The following RYR2 variants were observed in gnomAD, a reference collection of about 807,000 sequenced individuals.
The protein encoded by RYR2 is ryanodine receptor 2.
A neutral mutation model predicts 601.1 loss-of-function variants in RYR2; 227 were observed. The ratio of observed to expected loss-of-function variants is 0.38; its 90% CI spans 0.34 to 0.42. The LOEUF (loss-of-function observed/expected upper bound fraction) is 0.42, where lower values mean the gene tolerates loss of function less well. Ranked by LOEUF, RYR2 falls within the 10% of genes least tolerant of loss-of-function variation. The probability of loss-of-function intolerance (pLI) is 1.00; values close to 1 mark genes in which losing one functional copy is unlikely to be tolerated. For synonymous variants in RYR2, 2,223 were observed against 2,175.1 expected, an observed-to-expected ratio of 1.02 and a Z score of -0.61; for missense variants, 4,646 against 6,156.5, an observed-to-expected ratio of 0.75 and a Z score of 8.21.
At chr1:237,498,574 GA>G (rs552372056) in intron 20 of RYR2, among the ~76,000 whole-genome samples, 1,592 of 141,434 alleles carry the variant, frequency 0.011, 24 homozygotes, top group African/African-American at 0.034. Context: ...GAGATTAGAT[GA>G]AAAAAAAAAA....
In RYR2 at chr1:237,445,475, A is replaced by C; in HGVS notation, c.1245A>C (p.Thr415=). The C allele has an allele frequency of 1.9e-6, 3 of 1,613,790 alleles. No homozygotes were observed. The highest frequency in any genetic ancestry group is 2.5e-6 in the Non-Finnish European group (3 of 1,179,726). ...GATCCCAGCATGAAGAATCACGCAC[A>C]GCCCGAGTTATCCGGAGCACAGTCT... ...LSRSQHEESR[T]ARVIRSTVFL... is the part of the protein sequence containing the mutation. The change falls in exon 14 of 105, where the codon ACA becomes ACC. Residue 415 remains threonine (T), a synonymous_variant. Transcript: ENST00000366574.
At chr1:237,481,924 C>T (rs1662155784) in intron 17 of RYR2, among the ~76,000 whole-genome samples, 1 of 151,118 alleles carries the variant, frequency 6.6e-6, no homozygotes, top group Non-Finnish European at 1.5e-5. Flanking sequence ...ACTTCATTTG[C>T]ATGTTTTTCT....
intron 96 of RYR2, 52 bp downstream of exon 96, chr1:237,795,383 T>G (rs1274955855): frequency 3.4e-6 from 3 of 878,680 alleles, no homozygotes; most frequent in Non-Finnish European, 5.4e-6. Context: ...GTTTAGATTT[T>G]TATTTGATGT....
At chr1:237,428,407 C>T (rs1353534938) in intron 12 of RYR2, among the ~76,000 whole-genome samples, 1 of 152,146 alleles carries the variant, frequency 6.6e-6, no homozygotes, top group African/African-American at 2.4e-5. Flanking sequence ...CCATGGAACA[C>T]TATGCAGCCA....
intron 1 of RYR2, among the ~76,000 whole-genome samples, chr1:237,087,224 G>A (rs1049677416): frequency 6.6e-6 from 1 of 152,192 alleles, no homozygotes. Context: ...ATCTGGGCCA[G>A]GAGAATAGCA....
At chr1:237,044,957 T>TTC (rs35819091) in intron 1 of RYR2, among the ~76,000 whole-genome samples, 3,131 of 30,150 alleles carry the variant, frequency 0.1, 41 homozygotes, top group Non-Finnish European at 0.13. Flanking sequence ...CTTCTTCTTC[T>TTC]TTTTTTTTTT....
At chr1:237,271,239 G>A (rs534692151) in intron 2 of RYR2, among the ~76,000 whole-genome samples, 1 of 152,180 alleles carries the variant, frequency 6.6e-6, no homozygotes, top group South Asian at 2.1e-4. Flanking sequence ...TTTGAAATGA[G>A]CCCAGCAATA....
At chr1:237,259,370 T>C (rs1376686576) in intron 1 of RYR2, among the ~76,000 whole-genome samples, 1 of 151,956 alleles carries the variant, frequency 6.6e-6, no homozygotes, top group Non-Finnish European at 1.5e-5. Context: ...TAGCCAGGCA[T>C]GGTGCTGTGC....
At chr1:237,082,744 G>A (rs1665878320) in intron 1 of RYR2, among the ~76,000 whole-genome samples, 1 of 151,674 alleles carries the variant, frequency 6.6e-6, no homozygotes, top group African/African-American at 2.4e-5. Flanking sequence ...ATTGGACCCT[G>A]CTAGTGTTAA....
chr1:237,274,335 T>C (rs979049046), intron 2 of RYR2, among the ~76,000 whole-genome samples: 1 of 151,418 alleles, frequency 6.6e-6, no homozygotes, highest in African/African-American at 2.4e-5. Flanking sequence ...TAGTGATGTC[T>C]GGATGATTTC....
At chr1:237,477,640 T>C (rs887798146) in intron 17 of RYR2, among the ~76,000 whole-genome samples, 2 of 152,182 alleles carry the variant, frequency 1.3e-5, no homozygotes, top group Admixed American at 1.3e-4. Context: ...AGTAATTGCA[T>C]TGTGTCACTT....
intron 1 of RYR2, among the ~76,000 whole-genome samples, chr1:237,119,880 AC>A (rs1670585797): frequency 6.6e-6 from 1 of 152,210 alleles, no homozygotes; most frequent in Non-Finnish European, 1.5e-5. Context: ...GTCTTTAGTT[AC>A]AACATTCATG....
chr1:237,308,675 T>G (rs1381874292), intron 2 of RYR2, among the ~76,000 whole-genome samples: 1 of 152,186 alleles, frequency 6.6e-6, no homozygotes, highest in African/African-American at 2.4e-5. Context: ...CTGAGGACCT[T>G]AGCGGTGAGT....
chr1:237,398,829 A>G (rs1703084920), intron 10 of RYR2, among the ~76,000 whole-genome samples: 1 of 152,230 alleles, frequency 6.6e-6, no homozygotes, highest in Non-Finnish European at 1.5e-5. Flanking sequence ...TAATCGAAAC[A>G]TGGAATCAGC....
intron 17 of RYR2, 21 bp downstream of exon 17, chr1:237,469,208 CTTG>C: frequency 3.9e-6 from 5 of 1,282,948 alleles, no homozygotes; most frequent in Non-Finnish European, 5.1e-6. Context: ...TAGTTTTTTC[CTTG>C]TTGTGATAGA....
chr1:237,179,747 G>C (rs528916757), intron 1 of RYR2, among the ~76,000 whole-genome samples: 85 of 152,212 alleles, frequency 5.6e-4, no homozygotes, highest in African/African-American at 2.0e-3. Context: ...GGAATGTCTG[G>C]AAGAGCTGAG....
At chr1:237,272,446 T>A (rs12240165) in intron 2 of RYR2, among the ~76,000 whole-genome samples, 8,010 of 151,932 alleles carry the variant, frequency 0.053, 742 homozygotes, top group African/African-American at 0.19. Flanking sequence ...GGCTACACTC[T>A]CTCTTCTCCC....
chr1:237,064,971 A>G (rs1012607006), intron 1 of RYR2, among the ~76,000 whole-genome samples: 3 of 151,874 alleles, frequency 2.0e-5, no homozygotes, highest in African/African-American at 7.3e-5. Flanking sequence ...GAAGTCCCCC[A>G]TGAGAAACTA....
chr1:237,519,289 T>C (rs1177344303), intron 24 of RYR2, among the ~76,000 whole-genome samples: 1 of 152,154 alleles, frequency 6.6e-6, no homozygotes, highest in Non-Finnish European at 1.5e-5. Context: ...TTTAAATAGG[T>C]CTTGTTTGTC....
Sources: allele counts gnomAD v4.1 joint callset (sites outside exome capture counted in the v4.1 genomes callset), GRCh38; gene constraint gnomAD v4.1.1; transcripts MANE v1.5; gene names NCBI Gene and HGNC (gene_info 2026-07-23, HGNC 2026-07-21).